Variants in TRAPPC9 observed in about 807,000 individuals in gnomAD.
TRAPPC9 encodes the protein IKK2 binding protein.
A neutral mutation model predicts 124.0 loss-of-function variants in TRAPPC9; 83 were observed. The ratio of observed to expected loss-of-function variants is 0.67; its 90% CI spans 0.56 to 0.80. TRAPPC9 has a LOEUF of 0.80. Among genes scored for constraint, TRAPPC9 ranks in the 30% least tolerant of loss-of-function variants. The probability of loss-of-function intolerance (pLI) is 0.00; values close to 1 mark genes in which losing one functional copy is unlikely to be tolerated. For missense variants in TRAPPC9, 1,302 were observed against 1,508.3 expected (o/e 0.86, Z 2.27); for synonymous variants, 638 against 617.5 (o/e 1.03, Z -0.49).
intron 17 of TRAPPC9, among the ~76,000 whole-genome samples, chr8:140,174,486 C>G (rs956168114): frequency 6.6e-6 from 1 of 152,174 alleles, no homozygotes; most frequent in Admixed American, 6.5e-5. Context: ...CAGAATTGTG[C>G]AATCATCATC....
At chr8:140,284,498 G>A (rs1383162282) in intron 13 of TRAPPC9, among the ~76,000 whole-genome samples, 1 of 152,128 alleles carries the variant, frequency 6.6e-6, no homozygotes, top group East Asian at 1.9e-4. Context: ...CTGCTGATAT[G>A]GCAGATGTGC....
At chr8:140,033,688 T>TTTTTG (rs1563707051) in intron 17 of TRAPPC9, among the ~76,000 whole-genome samples, 2 of 115,076 alleles carry the variant, frequency 1.7e-5, no homozygotes, top group Non-Finnish European at 3.4e-5. Flanking sequence ...TTTTTTTTTT[T>TTTTTG]TTTTTTTTTT....
intron 16 of TRAPPC9, among the ~76,000 whole-genome samples, chr8:140,229,117 T>G (rs1393311535): frequency 1.3e-5 from 2 of 152,100 alleles, no homozygotes; most frequent in Non-Finnish European, 2.9e-5. Flanking sequence ...TTCTAAATAT[T>G]ATATTTCAGG....
At chr8:140,224,518 A>G (rs964895613) in intron 16 of TRAPPC9, among the ~76,000 whole-genome samples, 3 of 152,306 alleles carry the variant, frequency 2.0e-5, no homozygotes, top group African/African-American at 7.2e-5. Context: ...GAGAGTGGAT[A>G]GCAAATCTGG....
intron 1 of TRAPPC9, 47 bp from the exon 2 acceptor site, chr8:140,451,430 GC>G: frequency 6.7e-7 from 1 of 1,501,722 alleles, no homozygotes; most frequent in Non-Finnish European, 9.1e-7. Flanking sequence ...AGTCCTGAGT[GC>G]TGAGAGCCTA....
intron 19 of TRAPPC9, among the ~76,000 whole-genome samples, chr8:139,920,634 G>A (rs1832448348): frequency 6.6e-6 from 1 of 152,196 alleles, no homozygotes; most frequent in East Asian, 1.9e-4. Flanking sequence ...AAAATCAACT[G>A]TTTTGAAGTT....
chr8:140,020,125 AT>A (rs1159955544), intron 18 of TRAPPC9, among the ~76,000 whole-genome samples: 5 of 152,058 alleles, frequency 3.3e-5, no homozygotes, highest in African/African-American at 1.2e-4. Flanking sequence ...GTGTTTCCAC[AT>A]TTTTTTCTGA....
At chr8:140,269,235 C>T (rs2064795933) in intron 15 of TRAPPC9, among the ~76,000 whole-genome samples, 1 of 140,516 alleles carries the variant, frequency 7.1e-6, no homozygotes, top group Non-Finnish European at 1.5e-5. Context: ...CTTTAAACTG[C>T]ATTAAAAAAA....
intron 21 of TRAPPC9, among the ~76,000 whole-genome samples, chr8:139,846,466 G>A (rs568108374): frequency 1.3e-5 from 2 of 152,316 alleles, no homozygotes; most frequent in Admixed American, 6.5e-5. Flanking sequence ...CTGGCAGGAC[G>A]AGGTGAATTA....
At chr8:140,448,145 C>CAAAA (rs56941791) in intron 2 of TRAPPC9, among the ~76,000 whole-genome samples, 1 of 90,080 alleles carries the variant, frequency 1.1e-5, no homozygotes, top group Non-Finnish European at 2.2e-5. Flanking sequence ...GACACCATCT[C>CAAAA]AAAAAAAAAA....
intron 17 of TRAPPC9, among the ~76,000 whole-genome samples, chr8:140,114,778 C>G (rs2060848092): frequency 6.6e-6 from 1 of 152,084 alleles, no homozygotes; most frequent in African/African-American, 2.4e-5. Context: ...GAAAAAGTTT[C>G]TGTGAGAGGA....
chr8:139,815,826 G>A lies in TRAPPC9; in HGVS notation c.3055+70053C>T, dbSNP rs117023738. Among the ~76,000 whole-genome samples, 772 of 152,344 alleles carry A rather than the reference G, an allele frequency of 5.1e-3. 3 individuals are homozygous for A. Among genetic ancestry groups the A allele is most frequent in the South Asian group, 7.9e-3 (38 of 4,830 alleles). ...CCAGCAGGGGAACACACACACAGAG[G>A]GCAAGGAGGCTGCGTGTGCAAACAC... On this transcript the variant is annotated intron_variant, in intron 21 of 22. Coordinates refer to ENST00000438773, the MANE Select transcript of TRAPPC9 (RefSeq NM_001160372.4).
intron 19 of TRAPPC9, among the ~76,000 whole-genome samples, chr8:139,935,669 C>CTTTTT: frequency 7.5e-6 from 1 of 132,570 alleles, no homozygotes; most frequent in Non-Finnish European, 1.6e-5. Flanking sequence ...TCAGTCTTTG[C>CTTTTT]TTTTTTTTTT....
intron 17 of TRAPPC9, among the ~76,000 whole-genome samples, chr8:140,135,367 G>C (rs61517196): frequency 0.44 from 66,210 of 151,942 alleles, 14,618 homozygotes; most frequent in African/African-American, 0.5. Flanking sequence ...AGCAGCATTA[G>C]TCACAATAGC....
At chr8:140,132,399 T>C (rs990982584) in intron 17 of TRAPPC9, among the ~76,000 whole-genome samples, 1 of 152,212 alleles carries the variant, frequency 6.6e-6, no homozygotes, top group Non-Finnish European at 1.5e-5. Flanking sequence ...TAAAACAGCA[T>C]GATTTTCTCT....
intron 21 of TRAPPC9, among the ~76,000 whole-genome samples, chr8:139,756,060 G>T (rs75816344): frequency 3.5e-5 from 4 of 112,984 alleles, no homozygotes; most frequent in Middle Eastern, 5.7e-3. Context: ...GAGGACAGCA[G>T]GTCGCAGGAG....
At chr8:140,130,454 T>A (rs1182887882) in intron 17 of TRAPPC9, among the ~76,000 whole-genome samples, 1 of 152,114 alleles carries the variant, frequency 6.6e-6, no homozygotes, top group Non-Finnish European at 1.5e-5. Flanking sequence ...ACCTGACTCT[T>A]GTCATGAGGT....
At chr8:140,043,122 C>T (rs890056301) in intron 17 of TRAPPC9, among the ~76,000 whole-genome samples, 4 of 152,328 alleles carry the variant, frequency 2.6e-5, no homozygotes, top group Admixed American at 1.3e-4. Context: ...TGGTGAGGAA[C>T]GCTGCTCTAA....
intron 21 of TRAPPC9, among the ~76,000 whole-genome samples, chr8:139,752,158 A>G (rs1438782567): frequency 6.8e-6 from 1 of 147,240 alleles, no homozygotes; most frequent in Admixed American, 6.7e-5. Flanking sequence ...TCTATATACC[A>G]TCCATCCACT....
Sources: gnomAD v4.1 joint callset for allele counts (sites outside exome capture counted in the v4.1 genomes callset) on GRCh38, gnomAD v4.1.1 for gene constraint, MANE v1.5 for transcripts, NCBI Gene and HGNC (gene_info 2026-07-23, HGNC 2026-07-21) for gene names.